The following FBN3 variants were observed in gnomAD, a reference collection of about 807,000 sequenced individuals.
FBN3 encodes the protein fibrillin-3.
In FBN3, 234 loss-of-function variants were observed where a neutral mutation model predicts 330.1. The observed-to-expected ratio is 0.71, with a 90% confidence interval of 0.64 to 0.79. FBN3 has a LOEUF of 0.79. FBN3 is among the 30% of genes least tolerant of loss of function. The pLI is 0.00. For synonymous variants in FBN3, 1,458 were observed against 1,517.3 expected, an observed-to-expected ratio of 0.96 and a Z score of 0.91; for missense variants, 3,606 against 3,886.9, an observed-to-expected ratio of 0.93 and a Z score of 1.92.
At chr19:8,097,558 C>T in intron 41 of FBN3, 144 bp from the exon 42 acceptor site, 1 of 756,062 alleles carries the variant, frequency 1.3e-6, no homozygotes, top group Non-Finnish European at 2.0e-6. Context: ...CTTGCTGTGA[C>T]CAAAATACAT....
intron 55 of FBN3, among the ~76,000 whole-genome samples, chr19:8,085,995 C>T (rs2081936840): frequency 1.5e-5 from 2 of 131,154 alleles, no homozygotes; most frequent in Non-Finnish European, 3.3e-5. Context: ...GTGGGAGGGA[C>T]AGGCAGTGGG....
intron 18 of FBN3, among the ~76,000 whole-genome samples, chr19:8,128,082 G>T (rs1040785620): frequency 2.0e-5 from 3 of 152,216 alleles, no homozygotes; most frequent in African/African-American, 7.2e-5. Context: ...AGGGTATCTG[G>T]GAGGAGATGT....
chr19:8,147,612 G>C, intron 1 of FBN3, 115 bp from the exon 2 acceptor site: 6 of 836,072 alleles, frequency 7.2e-6, no homozygotes, highest in Non-Finnish European at 1.0e-5. Flanking sequence ...GGGGCCTCTG[G>C]GAGCCCAAGG....
intron 18 of FBN3, 134 bp from the exon 19 acceptor site, chr19:8,126,966 A>T (rs917394629): frequency 4.1e-6 from 4 of 970,784 alleles, no homozygotes; most frequent in Non-Finnish European, 5.9e-6. Flanking sequence ...TGCAGAGGGC[A>T]CTGGAATCAA....
rs544407202 is a variant in FBN3, at chr19:8,140,418, C to T, written c.865+1299G>A. Among the ~76,000 whole-genome samples the T allele has an allele frequency of 2.8e-3, 429 of 152,248 alleles. 1 individual carries two copies. The highest frequency in any genetic ancestry group is 9.5e-3 in the African/African-American group (395 of 41,544). On this transcript the variant is annotated intron_variant, in intron 8 of 63. Coordinates refer to ENST00000600128, the MANE Select transcript of FBN3 (RefSeq NM_032447.5). ...GGCGGAGGTTGCAGTGAGCCGAGAT[C>T]GTGCCATTGCACTCCAGCCTGGGGG...
intron 24 of FBN3, among the ~76,000 whole-genome samples, chr19:8,123,078 G>A (rs1452144844): frequency 6.6e-6 from 1 of 151,186 alleles, no homozygotes; most frequent in Non-Finnish European, 1.5e-5. Flanking sequence ...TGTTCGCCAG[G>A]CACAGTGGCT....
intron 25 of FBN3, 151 bp from the exon 26 acceptor site, chr19:8,119,173 AC>A: frequency 2.3e-6 from 2 of 868,420 alleles, no homozygotes; most frequent in Non-Finnish European, 3.4e-6. Flanking sequence ...GGTTGGGATG[AC>A]CCAGGGGAGT....
At position 8,136,398 on chromosome 19, in the gene FBN3, G is replaced by T. The variant is rs541524715; in HGVS notation, c.1335C>A (p.Gly445=). The T allele has an allele frequency of 6.2e-7, 1 of 1,613,864 alleles. No individual in the cohort carries two copies. The highest frequency in any genetic ancestry group is 1.7e-5 in the Admixed American group (1 of 60,018). ...CNVGYTQDVR[G]ECIDVDECTS... is the part of the protein sequence containing the mutation. ...CTGGCCGCGGCTCACCAATGCACTC[G>T]CCGCGCACGTCCTGGGTGTAGCCCA... The change falls in exon 11 of 64, where the codon GGC becomes GGA. Residue 445 remains glycine (G), a synonymous_variant. Transcript: ENST00000600128.
chr19:8,133,101 T>G lies in FBN3; in HGVS notation c.1597A>C (p.Asn533His), dbSNP rs2083190099. 6 of 1,574,184 alleles carry G rather than the reference T, an allele frequency of 3.8e-6. No individual in the cohort carries two copies. Among genetic ancestry groups the G allele is most frequent in the Non-Finnish European group, 5.2e-6 (6 of 1,160,932 alleles). ...CACATGGTGCTGGTGGCACACTCGTTGTGGTCTGGGGACAACAGCAGAGGC... is the reference window on the plus strand; with the variant it reads ...CACATGGTGCTGGTGGCACACTCGTGGTGGTCTGGGGACAACAGCAGAGGC... ...SPDGKNCVDH[N>H]ECATSTMCVN... The change falls in exon 14 of 64, where the codon AAC becomes CAC. Residue 533 changes from asparagine (N) to histidine (H), a missense_variant. By Grantham distance (68) the Asn-to-His change is moderately conservative. Coordinates refer to ENST00000600128, the MANE Select transcript of FBN3 (RefSeq NM_032447.5).
In FBN3 at chr19:8,112,214, C is replaced by T. The variant is rs972092451; in HGVS notation, c.3839-115G>A. Reference sequence around the variant, plus strand: ...TCTAGGGGAGAGCTGGCCCAGAAAGCCTCCTCCCATTCACCTGGGGAGCTT... The same window carrying T: ...TCTAGGGGAGAGCTGGCCCAGAAAGTCTCCTCCCATTCACCTGGGGAGCTT... On this transcript the variant is annotated intron_variant, in intron 30 of 63. Coordinates refer to ENST00000600128, the MANE Select transcript of FBN3 (RefSeq NM_032447.5). The T allele has an allele frequency of 3.9e-5, 44 of 1,137,740 alleles. 1 individual carries two copies. Among genetic ancestry groups the T allele is most frequent in the Admixed American group, 5.0e-5 (2 of 40,164 alleles). The allele number at this position is 1,137,740 out of a possible 1,614,324, so 70.5% of individuals were successfully genotyped here. A position where few individuals can be genotyped will look rare whatever the true frequency, so the allele number is the denominator to read the frequency against.
intron 62 of FBN3, among the ~76,000 whole-genome samples, chr19:8,072,846 GAATA>G (rs1029638621): frequency 5.3e-5 from 8 of 152,140 alleles, no homozygotes; most frequent in Non-Finnish European, 1.2e-4. Flanking sequence ...GGATGTGTGT[GAATA>G]GATACAGGTG....
chr19:8,072,007 C>T (rs1219992540), intron 63 of FBN3, 41 bp downstream of exon 63: 2 of 1,584,242 alleles, frequency 1.3e-6, no homozygotes, highest in Non-Finnish European at 8.6e-7. Context: ...CACACTCACC[C>T]ATTCCCTGGC....
intron 6 of FBN3, among the ~76,000 whole-genome samples, chr19:8,142,988 G>C (rs62123277): frequency 2.0e-5 from 3 of 151,284 alleles, no homozygotes; most frequent in South Asian, 2.1e-4. Context: ...CCAGCTTCTA[G>C]TCCCCGGGTC....
intron 24 of FBN3, among the ~76,000 whole-genome samples, chr19:8,122,027 G>A (rs775991184): frequency 2.0e-5 from 3 of 152,022 alleles, no homozygotes; most frequent in Non-Finnish European, 4.4e-5. Context: ...AGGATTATAG[G>A]TGTGAGCCAC....
chr19:8,121,473 G>T lies in FBN3; in HGVS notation c.3083-87C>A. 1 of 1,364,086 alleles carries T rather than the reference G, an allele frequency of 7.3e-7. No individual in the cohort carries two copies. The highest frequency in any genetic ancestry group is 1.5e-5 in the South Asian group (1 of 66,182). The allele number at this position is 1,364,086 out of a possible 1,614,324, so 84.5% of individuals were successfully genotyped here. A position where few individuals can be genotyped will look rare whatever the true frequency, so the allele number is the denominator to read the frequency against. On this transcript the variant is annotated intron_variant, in intron 24 of 63. Coordinates refer to ENST00000600128, the MANE Select transcript of FBN3 (RefSeq NM_032447.5). This position sits in a 1 kb window ranked among gnomAD's most constrained non-coding sequence, Gnocchi z 4.5. ...AGGGGGGTCCCTGTCCTTTGATGGAGGTGTGGGCTAGAGGAAGCCCATCTG... is the reference window on the plus strand; with the variant it reads ...AGGGGGGTCCCTGTCCTTTGATGGATGTGTGGGCTAGAGGAAGCCCATCTG...
At chr19:8,083,195 C>A (rs1787574986) in intron 57 of FBN3, 52 bp downstream of exon 57, 4 of 1,608,768 alleles carry the variant, frequency 2.5e-6, no homozygotes, top group Non-Finnish European at 3.4e-6. Context: ...AGGGGCTGCA[C>A]AGAAGGTGGC....
intron 13 of FBN3, among the ~76,000 whole-genome samples, chr19:8,135,255 G>A (rs11666443): frequency 0.18 from 27,312 of 151,416 alleles, 2,579 homozygotes; most frequent in Middle Eastern, 0.27. Flanking sequence ...TTACAGTTGT[G>A]AGCCACCAAG....
At chr19:8,110,482 A>AT (rs2144819189) in intron 34 of FBN3, among the ~76,000 whole-genome samples, 1 of 152,314 alleles carries the variant, frequency 6.6e-6, no homozygotes, top group African/African-American at 2.4e-5. Context: ...ACATTCATTC[A>AT]TTTACATATT....
rs933211608 is a variant in FBN3, at chr19:8,075,207, G to C, written c.7583-17C>G. On this transcript the variant is annotated splice_polypyrimidine_tract_variant and intron_variant, in intron 60 of 63. Coordinates refer to ENST00000600128, the MANE Select transcript of FBN3 (RefSeq NM_032447.5). ...CATTCACATCTGAGACATAGAGAGA[G>C]GGAGAGAGGGTTTACCAGACGGCTC... is the stretch of plus-strand genomic sequence containing the variant. The C allele has an allele frequency of 3.2e-5, 51 of 1,569,988 alleles. No homozygotes were observed. The highest frequency in any genetic ancestry group is 4.4e-5 in the Non-Finnish European group (51 of 1,153,978).
Sources: gnomAD v4.1 joint callset for allele counts (sites outside exome capture counted in the v4.1 genomes callset) on GRCh38, gnomAD v4.1.1 for gene constraint, Gnocchi (gnomAD v3.1) non-coding constraint, MANE v1.5 for transcripts, NCBI Gene and HGNC (gene_info 2026-07-23, HGNC 2026-07-21) for gene names.